Variants in PTPRD observed in about 807,000 individuals in gnomAD.
The protein encoded by PTPRD is protein tyrosine phosphatase receptor type D.
Under a neutral mutation model 214.5 loss-of-function variants are expected in PTPRD, and 34 were observed. That is an observed-to-expected ratio of 0.16 (90% confidence interval 0.12 to 0.21). The LOEUF is 0.21. Among genes scored for constraint, PTPRD ranks in the 10% least tolerant of loss-of-function variants. PTPRD has a pLI of 1.00. For missense variants in PTPRD, 2,545 were observed against 2,398.7 expected (o/e 1.06, Z -1.27); for synonymous variants, 1,128 against 845.7 (o/e 1.33, Z -5.79).
intron 9 of PTPRD, among the ~76,000 whole-genome samples, chr9:9,208,460 A>C (rs1315611361): frequency 6.6e-6 from 1 of 152,046 alleles, no homozygotes; most frequent in Non-Finnish European, 1.5e-5. Context: ...ATTCATATGG[A>C]GGGGATAAGA....
intron 14 of PTPRD, among the ~76,000 whole-genome samples, chr9:8,554,120 G>A (rs926499344): frequency 6.6e-6 from 1 of 152,112 alleles, no homozygotes; most frequent in South Asian, 2.1e-4. Context: ...CCCAGGAGGC[G>A]AAGGTTGCAG....
intron 6 of PTPRD, among the ~76,000 whole-genome samples, chr9:9,764,910 G>C (rs1294140861): frequency 6.6e-6 from 1 of 152,168 alleles, no homozygotes; most frequent in Admixed American, 6.5e-5. Flanking sequence ...GGAGAAAAGA[G>C]TGGTAATGAC....
chr9:9,098,398 A>G (rs1191101907), intron 10 of PTPRD, among the ~76,000 whole-genome samples: 2 of 152,074 alleles, frequency 1.3e-5, no homozygotes, highest in African/African-American at 2.4e-5. Flanking sequence ...CTGGGACTAC[A>G]GGCATGCACC....
At chr9:9,718,110 C>G (rs138515638) in intron 7 of PTPRD, among the ~76,000 whole-genome samples, 2,539 of 152,152 alleles carry the variant, frequency 0.017, 62 homozygotes, top group African/African-American at 0.057. Context: ...TTACAAATAT[C>G]CTTCTTTAGT....
At chr9:9,697,600 G>C (rs1260648105) in intron 7 of PTPRD, among the ~76,000 whole-genome samples, 1 of 151,870 alleles carries the variant, frequency 6.6e-6, no homozygotes, top group Non-Finnish European at 1.5e-5. Flanking sequence ...TTCTCTTGTT[G>C]CTTTTAGAAT....
chr9:8,703,100 T>C (rs776046496), intron 12 of PTPRD, among the ~76,000 whole-genome samples: 35 of 152,210 alleles, frequency 2.3e-4, no homozygotes, highest in Admixed American at 1.6e-3. Context: ...GCTGGTCAGA[T>C]ACCAAATTAT....
In PTPRD at chr9:9,692,507, C is replaced by T. The variant is rs138346118; in HGVS notation, c.-287+42026G>A. On this transcript the variant is annotated intron_variant, in intron 7 of 45. Coordinates refer to ENST00000381196, the MANE Select transcript of PTPRD (RefSeq NM_002839.4). ...TTATGTGTCTGTTTTTATGCCAGTA[C>T]TATGCTGTTTTGGTTGCTATAACTC... Among the ~76,000 whole-genome samples the T allele has an allele frequency of 4.6e-3, 701 of 152,124 alleles. 10 individuals carry two copies. Among genetic ancestry groups the T allele is most frequent in the African/African-American group, 0.016 (657 of 41,458 alleles).
chr9:8,544,463 AT>A (rs1445098376), intron 14 of PTPRD, among the ~76,000 whole-genome samples: 2 of 148,238 alleles, frequency 1.3e-5, no homozygotes, highest in Non-Finnish European at 3.0e-5. Context: ...AATAAAAAAA[AT>A]AACTTTTTTT....
At chr9:9,812,465 A>G (rs557602091) in intron 5 of PTPRD, among the ~76,000 whole-genome samples, 1 of 152,332 alleles carries the variant, frequency 6.6e-6, no homozygotes, top group African/African-American at 2.4e-5. Flanking sequence ...ACATAGGCTA[A>G]AAGCGAAGGG....
chr9:9,152,058 T>C (rs529891832), intron 10 of PTPRD, among the ~76,000 whole-genome samples: 2 of 152,290 alleles, frequency 1.3e-5, no homozygotes, highest in Admixed American at 6.5e-5. Flanking sequence ...TAAACTGGAT[T>C]TTGTTCTTTT....
chr9:10,165,463 G>A (rs946169846), intron 3 of PTPRD, among the ~76,000 whole-genome samples: 2 of 151,702 alleles, frequency 1.3e-5, no homozygotes, highest in Admixed American at 1.3e-4. Flanking sequence ...AAATTTAATA[G>A]TGTCAAACGT....
chr9:9,483,300 A>C (rs902084407), intron 8 of PTPRD, among the ~76,000 whole-genome samples: 2 of 152,160 alleles, frequency 1.3e-5, no homozygotes, highest in Non-Finnish European at 2.9e-5. Context: ...GTAATTTCAT[A>C]CAGCAAGTAC....
At chr9:9,239,743 A>C (rs1222669557) in intron 9 of PTPRD, among the ~76,000 whole-genome samples, 1 of 152,192 alleles carries the variant, frequency 6.6e-6, no homozygotes. Flanking sequence ...GGTCAAGCCC[A>C]GGATAGTCCT....
chr9:9,634,163 T>G (rs2095680843), intron 7 of PTPRD, among the ~76,000 whole-genome samples: 3 of 152,142 alleles, frequency 2.0e-5, no homozygotes, highest in Non-Finnish European at 4.4e-5. Flanking sequence ...GGGATGATGC[T>G]CCTTACCAAA....
chr9:8,350,712 T>C (rs574949259), intron 39 of PTPRD, among the ~76,000 whole-genome samples: 1 of 152,286 alleles, frequency 6.6e-6, no homozygotes, highest in African/African-American at 2.4e-5. Context: ...TTACCTAGGA[T>C]AACTAGAGAA....
chr9:10,422,602 T>C (rs2098555633), intron 2 of PTPRD, among the ~76,000 whole-genome samples: 1 of 151,632 alleles, frequency 6.6e-6, no homozygotes, highest in Admixed American at 6.6e-5. Context: ...TAAACAAATT[T>C]ACAAGAAAAA....
chr9:10,001,389 AAGAC>A (rs2154093350), intron 4 of PTPRD, among the ~76,000 whole-genome samples: 1 of 152,328 alleles, frequency 6.6e-6, no homozygotes, highest in South Asian at 2.1e-4. Flanking sequence ...ATTTGGTAAG[AAGAC>A]AATCTGTATA....
At chr9:9,818,761 C>T (rs2049649637) in intron 5 of PTPRD, among the ~76,000 whole-genome samples, 1 of 151,520 alleles carries the variant, frequency 6.6e-6, no homozygotes, top group South Asian at 2.1e-4. Flanking sequence ...ACTAAAAATA[C>T]AAAAAGTAGC....
At chr9:9,231,977 C>G (rs2099963403) in intron 9 of PTPRD, among the ~76,000 whole-genome samples, 1 of 152,072 alleles carries the variant, frequency 6.6e-6, no homozygotes, top group South Asian at 2.1e-4. Context: ...ATGGGACTGT[C>G]CAAAGGTGCA....
Sources: gnomAD v4.1 joint callset for allele counts (sites outside exome capture counted in the v4.1 genomes callset) on GRCh38, gnomAD v4.1.1 for gene constraint, MANE v1.5 for transcripts, NCBI Gene and HGNC (gene_info 2026-07-23, HGNC 2026-07-21) for gene names.